AKT3: variants seen among roughly 807,000 people sequenced by gnomAD.
AKT3 encodes the protein AKT serine/threonine kinase 3, also known as RAC-gamma serine/threonine-protein kinase.
Under a neutral mutation model 65.3 loss-of-function variants are expected in AKT3, and 15 were observed. The observed-to-expected ratio is 0.23, with a 90% confidence interval of 0.15 to 0.35. AKT3 has a LOEUF of 0.35. AKT3 is among the 10% of genes least tolerant of loss of function. The probability of loss-of-function intolerance (pLI) is 1.00; values close to 1 mark genes in which losing one functional copy is unlikely to be tolerated. For synonymous variants in AKT3, 206 were observed against 183.8 expected, an observed-to-expected ratio of 1.12 and a Z score of -0.98; for missense variants, 243 against 576.5, an observed-to-expected ratio of 0.42 and a Z score of 5.92.
chr1:243,788,679 T>G (rs1691427308), intron 2 of AKT3: 1 of 152,298 alleles, frequency 6.6e-6, no homozygotes, highest in Non-Finnish European at 1.5e-5. Context: ...TGTAACAGCA[T>G]TATGATTTTA....
intron 2 of AKT3, among the ~76,000 whole-genome samples, chr1:243,717,165 G>A (rs1016707705): frequency 1.3e-5 from 2 of 152,128 alleles, no homozygotes; most frequent in Admixed American, 1.3e-4. Context: ...TCCAGGCAAT[G>A]CTACCCATGA....
chr1:243,795,874 C>T (rs886105568), intron 2 of AKT3, among the ~76,000 whole-genome samples: 3 of 152,120 alleles, frequency 2.0e-5, no homozygotes, highest in Admixed American at 1.3e-4. Context: ...CTCCTGAGGC[C>T]AGGGAGTTGG....
intron 2 of AKT3, among the ~76,000 whole-genome samples, chr1:243,749,734 AATCT>A (rs1688684857): frequency 1.3e-5 from 2 of 152,184 alleles, no homozygotes; most frequent in African/African-American, 4.8e-5. Context: ...GGCTTGCTGT[AATCT>A]ATTTTCTTTC....
At chr1:243,695,365 A>C (rs1248551765) in intron 3 of AKT3, among the ~76,000 whole-genome samples, 1 of 151,982 alleles carries the variant, frequency 6.6e-6, no homozygotes, top group African/African-American at 2.4e-5. Context: ...TATTTATCAC[A>C]TTCAAGTTCT....
downstream of AKT3, among the ~76,000 whole-genome samples, chr1:243,495,132 G>A (rs1387015328): frequency 2.6e-5 from 4 of 152,234 alleles, no homozygotes; most frequent in Non-Finnish European, 2.9e-5. Flanking sequence ...CAGACCCCAC[G>A]GTTGGGAAGG....
At chr1:243,837,595 C>G (rs1346543886) in intron 2 of AKT3, among the ~76,000 whole-genome samples, 1 of 151,866 alleles carries the variant, frequency 6.6e-6, no homozygotes, top group Non-Finnish European at 1.5e-5. Flanking sequence ...GAATTTATTC[C>G]AGCAATGAAA....
At chr1:243,535,231 T>C (rs1671841412) in intron 12 of AKT3, among the ~76,000 whole-genome samples, 1 of 111,042 alleles carries the variant, frequency 9.0e-6, no homozygotes, top group Non-Finnish European at 1.6e-5. Flanking sequence ...ATTTTAAAAA[T>C]TTCAATAGCT....
intron 6 of AKT3, among the ~76,000 whole-genome samples, chr1:243,626,276 A>C (rs1402238801): frequency 2.0e-5 from 3 of 152,180 alleles, no homozygotes; most frequent in Admixed American, 1.3e-4. Flanking sequence ...ATAGTCAACG[A>C]AGTCCCAAGC....
intron 8 of AKT3, among the ~76,000 whole-genome samples, chr1:243,585,762 C>T (rs1021753718): frequency 1.9e-4 from 29 of 152,024 alleles, no homozygotes; most frequent in African/African-American, 5.8e-4. Context: ...AAGATTTAAA[C>T]GTAAAACCTC....
At chr1:243,703,255 T>C (rs1404239748) in intron 2 of AKT3, among the ~76,000 whole-genome samples, 1 of 152,128 alleles carries the variant, frequency 6.6e-6, no homozygotes, top group Admixed American at 6.6e-5. Flanking sequence ...AATTATGTGA[T>C]ACATCTTAAA....
At chr1:243,730,309 G>T (rs537572812) in intron 2 of AKT3, among the ~76,000 whole-genome samples, 43 of 152,284 alleles carry the variant, frequency 2.8e-4, no homozygotes, top group African/African-American at 1.0e-3. Flanking sequence ...TCTCTGCTGA[G>T]CTGTTCTGCT....
intron 2 of AKT3, among the ~76,000 whole-genome samples, chr1:243,815,549 T>A (rs1174392535): frequency 2.0e-5 from 3 of 152,088 alleles, no homozygotes; most frequent in African/African-American, 7.2e-5. Flanking sequence ...CAGTTCCAAA[T>A]TCAAAAGACA....
chr1:243,602,923 G>C (rs1359385523), intron 8 of AKT3, among the ~76,000 whole-genome samples: 1 of 152,078 alleles, frequency 6.6e-6, no homozygotes, highest in Non-Finnish European at 1.5e-5. Context: ...GATTTGCAGA[G>C]GTCCAACAAA....
rs1693084256 is a variant in AKT3, at chr1:243,810,764, T to C, written c.46+32361A>G. On this transcript the variant is annotated intron_variant, in intron 2 of 13. Transcript: ENST00000673466. ...GACCAACATCCCTGATGAACATCGA[T>C]GCAAAAATCCTCAATAAAATACTGG... Among the ~76,000 whole-genome samples the C allele has an allele frequency of 6.6e-5, 10 of 152,300 alleles. No homozygotes were observed. In the South Asian group the frequency reaches 1.9e-3, roughly 28 times the overall value.
At chr1:243,850,814 CAGAGCCGGG>C (rs1216756153), upstream of AKT3, among the ~76,000 whole-genome samples, 1 of 151,996 alleles carries the variant, frequency 6.6e-6, no homozygotes, top group Non-Finnish European at 1.5e-5. Context: ...CCTAGCCAGC[CAGAGCCGGG>C]AGCGGGGGCA....
rs1187914469 is a variant in AKT3, at chr1:243,527,894, C to CACAAGCAAGACTCCATCTCTTAAA, written c.1252-15469_1252-15468insTTTAAGAGATGGAGTCTTGCTTGT. 8.0e-4 allele frequency among the ~76,000 whole-genome samples: 85 copies of CACAAGCAAGACTCCATCTCTTAAA among 105,724 alleles called. 1 individual carries two copies. Among genetic ancestry groups the CACAAGCAAGACTCCATCTCTTAAA allele is most frequent in the African/African-American group, 2.9e-3 (77 of 26,732 alleles). The allele number at this position is 105,724 out of a possible 152,430, so 69.4% of individuals were successfully genotyped here. A position where few individuals can be genotyped will look rare whatever the true frequency, so the allele number is the denominator to read the frequency against. On this transcript the variant is annotated intron_variant, in intron 12 of 13. Transcript: ENST00000673466. ...AAACACACACACACACACACACACA[C>CACAAGCAAGACTCCATCTCTTAAA]ACACACACACACACACACACACACA... is the stretch of plus-strand genomic sequence containing the variant.
At chr1:243,841,189 T>C (rs949235770) in intron 2 of AKT3, among the ~76,000 whole-genome samples, 1 of 149,950 alleles carries the variant, frequency 6.7e-6, no homozygotes, top group African/African-American at 2.4e-5. Flanking sequence ...CATTTTTTTT[T>C]CTATAGTCCA....
chr1:243,820,642 C>T (rs1372694130), intron 2 of AKT3, among the ~76,000 whole-genome samples: 1 of 152,128 alleles, frequency 6.6e-6, no homozygotes, highest in Non-Finnish European at 1.5e-5. Context: ...AACACGAGAA[C>T]TTCACAATGG....
At chr1:243,798,266 G>T (rs1692156681) in intron 2 of AKT3, among the ~76,000 whole-genome samples, 2 of 135,896 alleles carry the variant, frequency 1.5e-5, no homozygotes. Context: ...CTGGAGTGCT[G>T]CAGTGGCATG....
Sources: gnomAD v4.1 joint callset for allele counts (sites outside exome capture counted in the v4.1 genomes callset) on GRCh38, gnomAD v4.1.1 for gene constraint, MANE v1.5 for transcripts, NCBI Gene and HGNC (gene_info 2026-07-23, HGNC 2026-07-21) for gene names.